KIAA1217: variants seen among roughly 807,000 people sequenced by gnomAD.
KIAA1217 encodes the protein sickle tail protein homolog.
Under a neutral mutation model 163.9 loss-of-function variants are expected in KIAA1217, and 88 were observed. That is an observed-to-expected ratio of 0.54 (90% CI 0.45 to 0.64). The LOEUF (loss-of-function observed/expected upper bound fraction) is 0.64. KIAA1217 is among the 30% of genes least tolerant of loss of function. KIAA1217 has a pLI of 0.00. For synonymous variants in KIAA1217, 903 were observed against 923.1 expected (o/e 0.98, Z 0.39); for missense variants, 2,372 against 2,475.0 (o/e 0.96, Z 0.88).
intron 2 of KIAA1217, among the ~76,000 whole-genome samples, chr10:24,280,110 A>T (rs2077740838): frequency 1.3e-5 from 2 of 152,166 alleles, no homozygotes; most frequent in Admixed American, 1.3e-4. Context: ...TTAATCATTG[A>T]TGCCTCTCTA....
chr10:24,328,216 T>C (rs1396536356), intron 2 of KIAA1217, among the ~76,000 whole-genome samples: 2 of 152,174 alleles, frequency 1.3e-5, no homozygotes, highest in Non-Finnish European at 2.9e-5. Flanking sequence ...TCTCCCTGTC[T>C]GACTAAAATT....
At chr10:24,115,141 C>G (rs1193737841) in intron 2 of KIAA1217, among the ~76,000 whole-genome samples, 1 of 152,232 alleles carries the variant, frequency 6.6e-6, no homozygotes, top group Non-Finnish European at 1.5e-5. Context: ...GTGTGTTTCT[C>G]TTTCCTGTCC....
At chr10:23,897,709 AATG>A (rs1376137880) in intron 1 of KIAA1217, among the ~76,000 whole-genome samples, 1 of 152,002 alleles carries the variant, frequency 6.6e-6, no homozygotes, top group East Asian at 1.9e-4. Context: ...TTGAACACTG[AATG>A]ATATCAGTGG....
At chr10:23,728,475 G>A (rs1838290946) in intron 1 of KIAA1217, among the ~76,000 whole-genome samples, 1 of 150,020 alleles carries the variant, frequency 6.7e-6, no homozygotes, top group Admixed American at 6.6e-5. Flanking sequence ...TTTGAGAAAT[G>A]TCTGTTCATA....
rs1491331916 is a variant in KIAA1217 at position 23,790,326 on chromosome 10, TGC to T, written c.-321+95093_-321+95094del. Among the ~76,000 whole-genome samples, 4 of 116,772 alleles carry T rather than the reference TGC, an allele frequency of 3.4e-5. 1 individual carries two copies. The allele number at this position is 116,772 out of a possible 152,430, so 76.6% of individuals were successfully genotyped here. On this transcript the variant is annotated intron_variant, in intron 1 of 18. Transcript: ENST00000376462. Reference sequence around the variant, plus strand: ...ATATGCATATATACATATGCACATATGCATATATGCATATATACATATGCATA... The same window carrying T: ...ATATGCATATATACATATGCACATATATATATGCATATATACATATGCATA...
At chr10:23,995,016 G>T (rs141819839) in intron 1 of KIAA1217, among the ~76,000 whole-genome samples, 2 of 152,036 alleles carry the variant, frequency 1.3e-5, no homozygotes, top group South Asian at 2.1e-4. Context: ...TTGCTTTTCC[G>T]TGTCTTTTAA....
At chr10:24,521,719 C>A in intron 11 of KIAA1217, 63 bp from the exon 12 acceptor site, 2 of 1,558,810 alleles carry the variant, frequency 1.3e-6, no homozygotes, top group Non-Finnish European at 1.7e-6. Context: ...TATCGGAGTG[C>A]GGGATGAGGG....
intron 2 of KIAA1217, among the ~76,000 whole-genome samples, chr10:24,079,994 A>G (rs1307432774): frequency 1.3e-5 from 2 of 152,210 alleles, no homozygotes; most frequent in Non-Finnish European, 2.9e-5. Flanking sequence ...AGAGAGAGAC[A>G]GATGAGACAG....
At chr10:24,226,550 G>A (rs908332480) in intron 2 of KIAA1217, among the ~76,000 whole-genome samples, 1 of 151,918 alleles carries the variant, frequency 6.6e-6, no homozygotes, top group African/African-American at 2.4e-5. Flanking sequence ...GCTGAGGTGG[G>A]AGAATTGCTT....
At chr10:23,959,538 T>C (rs1164229128) in intron 1 of KIAA1217, among the ~76,000 whole-genome samples, 1 of 152,158 alleles carries the variant, frequency 6.6e-6, no homozygotes, top group Non-Finnish European at 1.5e-5. Flanking sequence ...AATGCATAGA[T>C]TTCTAAATGA....
intron 6 of KIAA1217, among the ~76,000 whole-genome samples, chr10:24,479,110 T>C (rs1279935582): frequency 6.6e-6 from 1 of 152,210 alleles, no homozygotes; most frequent in Non-Finnish European, 1.5e-5. Context: ...AACTTGAGTT[T>C]CTATTATGAT....
At chr10:24,390,386 T>A (rs528778100) in intron 3 of KIAA1217, among the ~76,000 whole-genome samples, 2 of 149,334 alleles carry the variant, frequency 1.3e-5, no homozygotes, top group African/African-American at 4.9e-5. Context: ...GATGCTAAAC[T>A]GGTAAAAAAT....
At chr10:23,856,398 G>T (rs1280750089) in intron 1 of KIAA1217, among the ~76,000 whole-genome samples, 2 of 152,240 alleles carry the variant, frequency 1.3e-5, no homozygotes, top group Admixed American at 1.3e-4. Context: ...GTACCCGTCT[G>T]TGTGAGGTGT....
intron 2 of KIAA1217, among the ~76,000 whole-genome samples, chr10:24,341,210 C>G (rs960771387): frequency 4.6e-5 from 7 of 152,178 alleles, no homozygotes. Flanking sequence ...TGCAAATGAA[C>G]TCTTCTTATT....
At chr10:23,865,287 T>C (rs3906205) in intron 1 of KIAA1217, among the ~76,000 whole-genome samples, 27,983 of 152,118 alleles carry the variant, frequency 0.18, 2,707 homozygotes, top group Middle Eastern at 0.23. Flanking sequence ...GAATGAAATA[T>C]GGCATCTTAC....
chr10:24,306,973 G>A (rs1385041407), intron 2 of KIAA1217, among the ~76,000 whole-genome samples: 2 of 152,162 alleles, frequency 1.3e-5, no homozygotes, highest in Non-Finnish European at 2.9e-5. Context: ...GCATTAGTTA[G>A]CAAAGCTGCT....
At chr10:24,533,364 C>A (rs1592722131) in intron 16 of KIAA1217, 127 bp downstream of exon 16, 1 of 898,224 alleles carries the variant, frequency 1.1e-6, no homozygotes, top group Non-Finnish European at 1.6e-6. Context: ...GAAGCTGTGT[C>A]TTCTGGCCTT....
intron 9 of KIAA1217, among the ~76,000 whole-genome samples, chr10:24,505,440 T>C (rs1025314884): frequency 6.6e-6 from 1 of 152,040 alleles, no homozygotes; most frequent in Non-Finnish European, 1.5e-5. Context: ...TTTCCTGATA[T>C]CATTTTGAAA....
chr10:24,075,749 G>A (rs28414837), intron 2 of KIAA1217, among the ~76,000 whole-genome samples: 24,062 of 151,672 alleles, frequency 0.16, 3,889 homozygotes, highest in African/African-American at 0.42. Flanking sequence ...GATTACAGGC[G>A]CCTGCCACCA....
Sources: allele counts gnomAD v4.1 joint callset (sites outside exome capture counted in the v4.1 genomes callset), GRCh38; gene constraint gnomAD v4.1.1; transcripts MANE v1.5; gene names NCBI Gene and HGNC (gene_info 2026-07-23, HGNC 2026-07-21).